The following MOB3B variants were observed in gnomAD, a reference collection of about 807,000 sequenced individuals.
MOB3B encodes MOB kinase activator-like 2B.
In MOB3B, 7 loss-of-function variants were observed where a neutral mutation model predicts 18.7. That is an observed-to-expected ratio of 0.37 (90% CI 0.21 to 0.70). The LOEUF (loss-of-function observed/expected upper bound fraction) is 0.70, where lower values mean the gene tolerates loss of function less well. MOB3B is among the 30% of genes least tolerant of loss of function. The probability of loss-of-function intolerance (pLI) is 0.52; values close to 1 mark genes in which losing one functional copy is unlikely to be tolerated. For missense variants in MOB3B, 253 were observed against 281.3 expected (o/e 0.90, Z 0.72); for synonymous variants, 111 against 99.9 (o/e 1.11, Z -0.66).
intron 2 of MOB3B, among the ~76,000 whole-genome samples, chr9:27,440,990 G>C (rs905486509): frequency 3.9e-5 from 6 of 151,954 alleles, no homozygotes; most frequent in African/African-American, 1.5e-4. Flanking sequence ...GTCTCATAAG[G>C]AGTGAGCAAT....
intron 2 of MOB3B, among the ~76,000 whole-genome samples, chr9:27,401,106 C>T (rs1462710540): frequency 3.9e-5 from 6 of 152,178 alleles, no homozygotes; most frequent in African/African-American, 7.2e-5. Context: ...GCAATGGAAC[C>T]GGGCCAGGGA....
At chr9:27,513,774 T>G (rs542294881) in intron 1 of MOB3B, among the ~76,000 whole-genome samples, 1 of 152,290 alleles carries the variant, frequency 6.6e-6, no homozygotes, top group East Asian at 1.9e-4. Flanking sequence ...CCTGGTAATT[T>G]TGTTATTGTT....
intron 2 of MOB3B, among the ~76,000 whole-genome samples, chr9:27,372,036 T>C (rs1243376900): frequency 6.6e-6 from 1 of 152,214 alleles, no homozygotes; most frequent in African/African-American, 2.4e-5. Flanking sequence ...AAAAACACTC[T>C]CGTAGCACTG....
intron 1 of MOB3B, among the ~76,000 whole-genome samples, chr9:27,517,810 T>C (rs1214412483): frequency 2.0e-5 from 3 of 151,940 alleles, no homozygotes; most frequent in Non-Finnish European, 4.4e-5. Context: ...GGGGATAAAA[T>C]GGAAAACAAA....
At chr9:27,392,404 T>G (rs921358481) in intron 2 of MOB3B, among the ~76,000 whole-genome samples, 2 of 152,186 alleles carry the variant, frequency 1.3e-5, no homozygotes, top group African/African-American at 4.8e-5. Flanking sequence ...TATACCGTAG[T>G]AGGACTAGAC....
chr9:27,392,551 C>T (rs573822880), intron 2 of MOB3B, among the ~76,000 whole-genome samples: 4 of 151,924 alleles, frequency 2.6e-5, no homozygotes, highest in Admixed American at 1.3e-4. Flanking sequence ...GGCATTTTTG[C>T]ACCACAAAAG....
At chr9:27,441,664 T>C (rs1397536912) in intron 2 of MOB3B, among the ~76,000 whole-genome samples, 1 of 152,164 alleles carries the variant, frequency 6.6e-6, no homozygotes, top group Non-Finnish European at 1.5e-5. Context: ...GAATTTTCCA[T>C]TTAATATTTT....
chr9:27,524,671 A>G lies in MOB3B; in HGVS notation c.-199+4884T>C, dbSNP rs776197055. The G allele has an allele frequency of 2.1e-5, 34 of 1,614,130 alleles. No homozygotes were observed. Among genetic ancestry groups the G allele is most frequent in the Non-Finnish European group, 2.6e-5 (31 of 1,180,002 alleles). On this transcript the variant is annotated intron_variant, in intron 1 of 3. Coordinates refer to ENST00000262244, the MANE Select transcript of MOB3B (RefSeq NM_024761.5). The stretch of plus-strand genomic sequence containing the variant: ...AAATATTGGAAAGAGAGACACCTCA[A>G]ACAAATCCAAATAGGACTTGATCAG...
chr9:27,521,601 T>A (rs1820332576), intron 1 of MOB3B, among the ~76,000 whole-genome samples: 1 of 152,184 alleles, frequency 6.6e-6, no homozygotes, highest in African/African-American at 2.4e-5. Flanking sequence ...CAGTTCTAAT[T>A]GGAACAGTTC....
At chr9:27,331,344 G>A (rs966522138) in intron 3 of MOB3B, among the ~76,000 whole-genome samples, 3 of 152,074 alleles carry the variant, frequency 2.0e-5, no homozygotes, top group Non-Finnish European at 4.4e-5. Context: ...TCCACCTCAG[G>A]TAAGGTGACT....
chr9:27,405,097 T>C (rs1255421220), intron 2 of MOB3B, among the ~76,000 whole-genome samples: 19 of 31,608 alleles, frequency 6.0e-4, no homozygotes, highest in Non-Finnish European at 9.7e-4. Flanking sequence ...CTTTGTCTTT[T>C]TTTTTTTTTT....
At chr9:27,437,040 A>G (rs1822514889) in intron 2 of MOB3B, among the ~76,000 whole-genome samples, 1 of 151,962 alleles carries the variant, frequency 6.6e-6, no homozygotes, top group Non-Finnish European at 1.5e-5. Flanking sequence ...TGAGAAGCAT[A>G]AAAAAGCCTA....
At position 27,455,744 on chromosome 9, in the gene MOB3B, C is replaced by G; in HGVS notation, c.-194G>C. 6.9e-7 allele frequency: 1 copy of G among 1,438,896 alleles called. No homozygotes were observed. Among genetic ancestry groups the G allele is most frequent in the Non-Finnish European group, 9.1e-7 (1 of 1,103,442 alleles). 89.1% of individuals were successfully genotyped at this position (1,438,896 alleles called of 1,614,324 possible). On this transcript the variant is annotated 5_prime_UTR_variant, in exon 2 of 4. Coordinates refer to ENST00000262244, the MANE Select transcript of MOB3B (RefSeq NM_024761.5). ...ATGATTTCCAAGGGAACCTCATGTT[C>G]TTTCCTAAAGGTAGAAGAGAAAAGG... is the stretch of plus-strand genomic sequence containing the variant.
intron 1 of MOB3B, among the ~76,000 whole-genome samples, chr9:27,521,933 G>A (rs765187844): frequency 9.9e-5 from 15 of 152,012 alleles, no homozygotes; most frequent in African/African-American, 3.6e-4. Context: ...TTTAAAAACA[G>A]CCTTCTCTTA....
intron 1 of MOB3B, among the ~76,000 whole-genome samples, chr9:27,475,729 TTCTAGTAG>T (rs1261441840): frequency 6.6e-6 from 1 of 152,246 alleles, no homozygotes; most frequent in Non-Finnish European, 1.5e-5. Flanking sequence ...CAGAAAACAA[TTCTAGTAG>T]TCTAGTTGCT....
At chr9:27,382,294 G>A (rs1389049855) in intron 2 of MOB3B, among the ~76,000 whole-genome samples, 3 of 152,122 alleles carry the variant, frequency 2.0e-5, no homozygotes, top group Admixed American at 2.0e-4. Flanking sequence ...CAGCTGTGTG[G>A]AACAACCACT....
chr9:27,385,975 G>C (rs1821646243), intron 2 of MOB3B, among the ~76,000 whole-genome samples: 1 of 152,252 alleles, frequency 6.6e-6, no homozygotes, highest in Non-Finnish European at 1.5e-5. Context: ...CCTCAGACAT[G>C]TCTAGGGAGA....
chr9:27,467,193 G>A (rs1033931623), intron 1 of MOB3B, among the ~76,000 whole-genome samples: 9 of 152,190 alleles, frequency 5.9e-5, no homozygotes, highest in Admixed American at 2.0e-4. Context: ...CTCAAAGACT[G>A]AAAAGAGGTC....
intron 3 of MOB3B, among the ~76,000 whole-genome samples, chr9:27,357,847 T>G (rs1301751660): frequency 7.5e-6 from 1 of 134,100 alleles, no homozygotes; most frequent in African/African-American, 2.9e-5. Context: ...AAGCCAGCAG[T>G]TTGAGACAAG....
Sources: allele counts gnomAD v4.1 joint callset (sites outside exome capture counted in the v4.1 genomes callset), GRCh38; gene constraint gnomAD v4.1.1; transcripts MANE v1.5; gene names NCBI Gene and HGNC (gene_info 2026-07-23, HGNC 2026-07-21).